Variants in USP43 observed in about 807,000 individuals in gnomAD.
The protein encoded by USP43 is ubiquitin carboxyl-terminal hydrolase 43.
A neutral mutation model predicts 90.7 loss-of-function variants in USP43; 33 were observed. The observed-to-expected ratio is 0.36, with a 90% CI of 0.28 to 0.49. The LOEUF (loss-of-function observed/expected upper bound fraction) is 0.49, where lower values mean the gene tolerates loss of function less well. USP43 is among the 20% of genes least tolerant of loss of function. The pLI is 0.98. For missense variants in USP43, 1,274 were observed against 1,476.4 expected (o/e 0.86, Z 2.25); for synonymous variants, 598 against 615.8 (o/e 0.97, Z 0.43).
intron 12 of USP43, among the ~76,000 whole-genome samples, chr17:9,705,302 T>C (rs1915806418): frequency 6.6e-6 from 1 of 152,078 alleles, no homozygotes; most frequent in African/African-American, 2.4e-5. Flanking sequence ...TTTTTTTTTT[T>C]TTTCTCTCTG....
intron 9 of USP43, among the ~76,000 whole-genome samples, chr17:9,695,055 G>A (rs1359442120): frequency 2.0e-5 from 3 of 152,142 alleles, no homozygotes; most frequent in Non-Finnish European, 4.4e-5. Context: ...CCATCCTAAA[G>A]GATATTCTCT....
intron 2 of USP43, among the ~76,000 whole-genome samples, chr17:9,664,748 C>T (rs1264105277): frequency 1.3e-5 from 2 of 151,898 alleles, no homozygotes; most frequent in Non-Finnish European, 2.9e-5. Context: ...CGCCATTCTC[C>T]TGCCTCAGCC....
chr17:9,691,905 T>C (rs1192066480), intron 8 of USP43, among the ~76,000 whole-genome samples: 1 of 150,826 alleles, frequency 6.6e-6, no homozygotes, highest in African/African-American at 2.4e-5. Flanking sequence ...TAGCCGGGTG[T>C]GGTGGCGGGC....
intron 14 of USP43, among the ~76,000 whole-genome samples, chr17:9,716,863 C>T (rs767994655): frequency 6.0e-4 from 92 of 152,270 alleles, no homozygotes; most frequent in Non-Finnish European, 1.2e-3. Context: ...GAGCCAGGTG[C>T]GGTGGCACAT....
chr17:9,646,066 A>G lies in USP43; in HGVS notation c.434A>G (p.Glu145Gly). 1 of 1,508,088 alleles carries G rather than the reference A, an allele frequency of 6.6e-7. No homozygotes were observed. The highest frequency in any genetic ancestry group is 8.9e-7 in the Non-Finnish European group (1 of 1,128,956). The allele number at this position is 1,508,088 out of a possible 1,614,324, so 93.4% of individuals were successfully genotyped here. A position where few individuals can be genotyped will look rare whatever the true frequency, so the allele number is the denominator to read the frequency against. Residue 145 changes from glutamate to glycine, a missense_variant, in exon 1 of 15, where the codon GAG (glutamate) becomes GGG (glycine). Coordinates refer to ENST00000285199, the MANE Select transcript of USP43 (RefSeq NM_153210.5). ...GCTCCGGGCCGCGCCGAGGTCACCG[A>G]GCAGCTGGCGGCGCTGGTGCGCGCG... is the stretch of plus-strand genomic sequence containing the variant. ...RAAPGRAEVTEQLAALVRALW... is the reference protein window; with the variant it reads ...RAAPGRAEVTGQLAALVRALW...
chr17:9,705,050 G>A (rs1915795392), intron 12 of USP43, among the ~76,000 whole-genome samples: 2 of 151,776 alleles, frequency 1.3e-5, no homozygotes, highest in African/African-American at 2.4e-5. Flanking sequence ...AAATTCACAC[G>A]GCCTAAAAAA....
intron 9 of USP43, among the ~76,000 whole-genome samples, 174 bp from the exon 10 acceptor site, chr17:9,699,998 A>C (rs371164635): frequency 6.6e-6 from 1 of 152,180 alleles, no homozygotes; most frequent in East Asian, 1.9e-4. Context: ...TCTGAGACGG[A>C]GCCTTCAGCA....
intron 2 of USP43, among the ~76,000 whole-genome samples, chr17:9,662,870 T>C (rs1298119435): frequency 1.3e-5 from 2 of 150,268 alleles, no homozygotes; most frequent in Admixed American, 1.3e-4. Context: ...CAGGCTGGAG[T>C]GCAGTGGTGC....
Position 9,729,481 on chromosome 17 carries a change from A to G in USP43, c.*491A>G, listed in dbSNP as rs1917477873. ...CCAAAAAGAAAAAAAAAACAAAAGAATGATAGTGATGGTAAGGCAAGATTC... is the reference window on the plus strand; with the variant it reads ...CCAAAAAGAAAAAAAAAACAAAAGAGTGATAGTGATGGTAAGGCAAGATTC... On this transcript the variant is annotated 3_prime_UTR_variant, in exon 15 of 15. Coordinates refer to ENST00000285199, the MANE Select transcript of USP43 (RefSeq NM_153210.5). The G allele has an allele frequency of 6.6e-6, 1 of 151,704 alleles. No individual in the cohort carries two copies. Among genetic ancestry groups the G allele is most frequent in the Non-Finnish European group, 1.5e-5 (1 of 67,940 alleles). 9.4% of individuals were successfully genotyped at this position (151,704 alleles called of 1,614,324 possible). A position where few individuals can be genotyped will look rare whatever the true frequency, so the allele number is the denominator to read the frequency against.
chr17:9,688,591 C>G (rs1255441523), intron 8 of USP43, among the ~76,000 whole-genome samples: 2 of 152,148 alleles, frequency 1.3e-5, no homozygotes, highest in African/African-American at 4.8e-5. Context: ...CCTCATGATC[C>G]TCCCACTTCA....
intron 8 of USP43, 69 bp from the exon 9 acceptor site, chr17:9,693,058 C>T: frequency 9.3e-7 from 1 of 1,079,558 alleles, no homozygotes. Flanking sequence ...ATGTATGCGC[C>T]CCTTTAGAGT....
At chr17:9,664,716 T>C (rs9892624) in intron 2 of USP43, among the ~76,000 whole-genome samples, 3,436 of 151,690 alleles carry the variant, frequency 0.023, 106 homozygotes, top group African/African-American at 0.069. Flanking sequence ...CGGCTCACTT[T>C]AAGCTCCGCC....
At chr17:9,699,642 T>G (rs997478043) in intron 9 of USP43, among the ~76,000 whole-genome samples, 11 of 152,224 alleles carry the variant, frequency 7.2e-5, no homozygotes, top group African/African-American at 2.7e-4. Context: ...CCACCGTTTC[T>G]GAAATGGGCT....
intron 1 of USP43, among the ~76,000 whole-genome samples, chr17:9,649,642 G>C (rs1470522918): frequency 1.4e-5 from 2 of 140,718 alleles, no homozygotes; most frequent in Non-Finnish European, 3.0e-5. Flanking sequence ...GATTTTCTGT[G>C]CTTTTCTAAT....
At chr17:9,645,504 G>T (rs1182110873), upstream of USP43, 19 of 935,438 alleles carry the variant, frequency 2.0e-5, no homozygotes, top group East Asian at 9.5e-4. The surrounding 1 kb of genome is among the most constrained non-coding windows in gnomAD (Gnocchi z 6.8). Context: ...CTCCGCCTCC[G>T]CCCCGTCCCC....
intron 9 of USP43, among the ~76,000 whole-genome samples, chr17:9,694,520 A>C (rs1239036725): frequency 6.6e-6 from 1 of 152,210 alleles, no homozygotes; most frequent in Non-Finnish European, 1.5e-5. Context: ...TGACAGAGCA[A>C]TCTATAATAT....
At chr17:9,660,211 C>T (rs147900030) in intron 2 of USP43, among the ~76,000 whole-genome samples, 2 of 152,180 alleles carry the variant, frequency 1.3e-5, no homozygotes, top group Non-Finnish European at 2.9e-5. Flanking sequence ...AGTGCAGTGG[C>T]GTGATCTTGG....
chr17:9,663,024 G>A lies in USP43; in HGVS notation c.637-3624G>A, dbSNP rs192924418. Among the ~76,000 whole-genome samples the A allele has an allele frequency of 9.9e-5, 15 of 151,956 alleles. No individual in the cohort carries two copies. The East Asian group carries it at 2.7e-3, about 27-fold the overall frequency. ...GTAGAGACGGGATTTTACCATGTTG[G>A]CCAGGCTGGTCTCGAACTCCTGACC... On this transcript the variant is annotated intron_variant, in intron 2 of 14. Transcript: ENST00000285199.
intron 12 of USP43, among the ~76,000 whole-genome samples, chr17:9,703,705 C>T (rs1915709205): frequency 6.6e-6 from 1 of 152,202 alleles, no homozygotes; most frequent in Admixed American, 6.5e-5. Context: ...TTGCTGTCAT[C>T]GGTGCCAACA....
Sources: gnomAD v4.1 joint callset for allele counts (sites outside exome capture counted in the v4.1 genomes callset) on GRCh38, gnomAD v4.1.1 for gene constraint, Gnocchi (gnomAD v3.1) non-coding constraint, MANE v1.5 for transcripts, NCBI Gene and HGNC (gene_info 2026-07-23, HGNC 2026-07-21) for gene names.